The following ATP10B variants were observed in gnomAD, a reference collection of about 807,000 sequenced individuals.
The protein encoded by ATP10B is phospholipid-transporting ATPase VB.
In ATP10B, 122 loss-of-function variants were observed where a neutral mutation model predicts 141.2. The ratio of observed to expected loss-of-function variants is 0.86; its 90% CI spans 0.75 to 1.00. ATP10B has a LOEUF of 1.00. Among genes scored for constraint, ATP10B ranks in the 50% least tolerant of loss-of-function variants. ATP10B has a pLI of 0.00. For synonymous variants in ATP10B, 685 were observed against 692.0 expected (o/e 0.99, Z 0.16); for missense variants, 1,876 against 1,825.3 (o/e 1.03, Z -0.51).
chr5:160,903,244 AG>A, the ATP10B span, among the ~76,000 whole-genome samples: 1 of 152,132 alleles, frequency 6.6e-6, no homozygotes, highest in Non-Finnish European at 1.5e-5. Flanking sequence ...TCTGCTGACT[AG>A]AAGTTTCTAA....
chr5:160,570,585 A>G (rs979316180), intron 24 of ATP10B, among the ~76,000 whole-genome samples: 5 of 152,150 alleles, frequency 3.3e-5, no homozygotes, highest in African/African-American at 1.2e-4. Flanking sequence ...CTCTCTTTAC[A>G]TCCCTCCTGG....
At chr5:160,799,541 T>A (rs1310612596) in intron 1 of ATP10B, among the ~76,000 whole-genome samples, 1 of 152,188 alleles carries the variant, frequency 6.6e-6, no homozygotes, top group African/African-American at 2.4e-5. Flanking sequence ...GACATTGGTA[T>A]GAAAAGTGCT....
At chr5:160,864,486 G>A in the ATP10B span, among the ~76,000 whole-genome samples, 1 of 151,774 alleles carries the variant, frequency 6.6e-6, no homozygotes, top group African/African-American at 2.4e-5. Context: ...ACTGAATGAG[G>A]AAAAGTTGAA....
intron 1 of ATP10B, among the ~76,000 whole-genome samples, chr5:160,786,822 A>G (rs760862458): frequency 2.0e-5 from 3 of 152,142 alleles, no homozygotes; most frequent in African/African-American, 4.8e-5. Flanking sequence ...AGATCTCCCT[A>G]TAGGGTCTGT....
At chr5:160,829,158 GTAAC>G (rs1262955615) in intron 1 of ATP10B, among the ~76,000 whole-genome samples, 1 of 151,808 alleles carries the variant, frequency 6.6e-6, no homozygotes, top group Non-Finnish European at 1.5e-5. Flanking sequence ...GTATACATAT[GTAAC>G]TAACCTGCAC....
chr5:160,893,832 G>A, the ATP10B span, among the ~76,000 whole-genome samples: 1 of 152,174 alleles, frequency 6.6e-6, no homozygotes, highest in Non-Finnish European at 1.5e-5. Flanking sequence ...CTTGGATGAA[G>A]TTTCCAGAGG....
At chr5:160,605,991 T>C (rs1405682015) in intron 19 of ATP10B, among the ~76,000 whole-genome samples, 7 of 152,198 alleles carry the variant, frequency 4.6e-5, no homozygotes, top group Admixed American at 2.0e-4. Context: ...GGAAATAACT[T>C]GTGCAAAGGC....
At chr5:160,732,358 C>T (rs952252002) in intron 2 of ATP10B, among the ~76,000 whole-genome samples, 6 of 152,166 alleles carry the variant, frequency 3.9e-5, no homozygotes, top group African/African-American at 1.2e-4. Flanking sequence ...GAAATCTTAA[C>T]CATAAAATTG....
chr5:160,817,548 A>G (rs143015760), intron 1 of ATP10B, among the ~76,000 whole-genome samples: 1 of 152,204 alleles, frequency 6.6e-6, no homozygotes, highest in African/African-American at 2.4e-5. Context: ...AGGAAGAATC[A>G]ATATCATGTA....
chr5:160,750,730 TATA>T (rs563465471), intron 2 of ATP10B, among the ~76,000 whole-genome samples: 71 of 152,288 alleles, frequency 4.7e-4, no homozygotes, highest in African/African-American at 1.5e-3. Flanking sequence ...AAACATGACT[TATA>T]ATAAGTGACG....
At chr5:160,661,540 G>A (rs939229330) in intron 7 of ATP10B, among the ~76,000 whole-genome samples, 1 of 152,162 alleles carries the variant, frequency 6.6e-6, no homozygotes, top group African/African-American at 2.4e-5. Flanking sequence ...TTTGCAGAGA[G>A]TAGAGGGTGG....
the ATP10B span, among the ~76,000 whole-genome samples, chr5:160,900,283 CTAGT>C: frequency 2.0e-5 from 3 of 152,068 alleles, no homozygotes; most frequent in Non-Finnish European, 2.9e-5. Flanking sequence ...TATTCTTGTT[CTAGT>C]CTCCTTTTAA....
At chr5:160,885,088 C>G in the ATP10B span, among the ~76,000 whole-genome samples, 1 of 152,152 alleles carries the variant, frequency 6.6e-6, no homozygotes, top group Non-Finnish European at 1.5e-5. Context: ...TGTTTGATCC[C>G]ACAAGCCACC....
chr5:160,870,703 C>A, the ATP10B span, among the ~76,000 whole-genome samples: 2 of 151,648 alleles, frequency 1.3e-5, no homozygotes, highest in East Asian at 3.9e-4. Context: ...AGACACAAAG[C>A]CAGAAAGCTC....
At chr5:160,667,201 G>C (rs1312235096) in intron 7 of ATP10B, among the ~76,000 whole-genome samples, 1 of 152,120 alleles carries the variant, frequency 6.6e-6, no homozygotes, top group Non-Finnish European at 1.5e-5. Context: ...TTGGGCGACA[G>C]AGCAAGACTC....
chr5:160,686,899 C>T (rs998416359), intron 5 of ATP10B: 1 of 962,072 alleles, frequency 1.0e-6, no homozygotes, highest in Admixed American at 6.2e-5. Context: ...TATATAAGCA[C>T]ATATTTTAAC....
At chr5:160,634,732 A>G in intron 11 of ATP10B, 126 bp from the exon 12 acceptor site, 1 of 1,025,496 alleles carries the variant, frequency 9.8e-7, no homozygotes, top group Non-Finnish European at 1.4e-6. Context: ...ACTCTCTGTG[A>G]AATTAACGGT....
At chr5:160,762,654 A>G (rs1769123803) in intron 2 of ATP10B, among the ~76,000 whole-genome samples, 1 of 152,080 alleles carries the variant, frequency 6.6e-6, no homozygotes. Context: ...ACATAATGAA[A>G]AAAAAACCCA....
At chr5:160,747,601 G>A (rs563428318) in intron 2 of ATP10B, among the ~76,000 whole-genome samples, 1 of 152,214 alleles carries the variant, frequency 6.6e-6, no homozygotes, top group East Asian at 1.9e-4. Flanking sequence ...ACAAGCCAAG[G>A]AACACCTAAG....
Sources: gnomAD v4.1 joint callset for allele counts (sites outside exome capture counted in the v4.1 genomes callset) on GRCh38, gnomAD v4.1.1 for gene constraint, MANE v1.5 for transcripts, NCBI Gene and HGNC (gene_info 2026-07-23, HGNC 2026-07-21) for gene names.